The following BACE2 variants were observed in gnomAD, a reference collection of about 807,000 sequenced individuals.
BACE2 encodes the protein 56 kDa aspartic-like protease.
Under a neutral mutation model 46.2 loss-of-function variants are expected in BACE2, and 17 were observed. The observed-to-expected ratio is 0.37, with a 90% confidence interval of 0.25 to 0.55. BACE2 has a LOEUF of 0.55. Ranked by LOEUF, BACE2 falls within the 20% of genes least tolerant of loss-of-function variation. The probability of loss-of-function intolerance (pLI) is 0.82; values close to 1 mark genes in which losing one functional copy is unlikely to be tolerated. For synonymous variants in BACE2, 277 were observed against 295.9 expected (o/e 0.94, Z 0.66); for missense variants, 595 against 698.1 (o/e 0.85, Z 1.66).
intron 2 of BACE2, among the ~76,000 whole-genome samples, chr21:41,227,763 A>G (rs918258363): frequency 1.3e-5 from 2 of 152,148 alleles, no homozygotes; most frequent in African/African-American, 4.8e-5. Flanking sequence ...TATGATCACT[A>G]TGTGCCCAGC....
intron 3 of BACE2, among the ~76,000 whole-genome samples, chr21:41,238,712 C>T (rs1481834821): frequency 1.4e-5 from 2 of 147,758 alleles, no homozygotes; most frequent in Non-Finnish European, 3.0e-5. Context: ...AACAACAAAC[C>T]AAACACCGCA....
intron 1 of BACE2, among the ~76,000 whole-genome samples, chr21:41,213,371 C>T (rs1418251697): frequency 2.0e-5 from 3 of 152,118 alleles, no homozygotes; most frequent in Admixed American, 6.5e-5. Context: ...AGCCTTTGTA[C>T]GGTTTATCGT....
intron 1 of BACE2, among the ~76,000 whole-genome samples, chr21:41,221,592 G>A (rs572990360): frequency 3.3e-5 from 5 of 152,236 alleles, no homozygotes; most frequent in South Asian, 2.1e-4. Flanking sequence ...TTGGGAGGCC[G>A]CAGAGGGTGG....
At chr21:41,180,013 A>C (rs1001734337) in intron 1 of BACE2, 3 of 338,672 alleles carry the variant, frequency 8.9e-6, no homozygotes, top group Non-Finnish European at 1.8e-5. Flanking sequence ...TGTGCACAGC[A>C]GCAGCAGAGG....
At chr21:41,182,916 T>C (rs1266947896) in intron 1 of BACE2, 1 of 166,696 alleles carries the variant, frequency 6.0e-6, no homozygotes, top group Non-Finnish European at 1.5e-5. Flanking sequence ...ACATCTCTCT[T>C]TTCTACTCAC....
intron 1 of BACE2, among the ~76,000 whole-genome samples, chr21:41,224,187 A>C (rs1340263946): frequency 6.6e-6 from 1 of 150,704 alleles, no homozygotes; most frequent in East Asian, 1.9e-4. Context: ...AGATAATCCT[A>C]GGCAAAAACT....
At chr21:41,245,882 T>C (rs1055752939) in intron 5 of BACE2, 80 bp from the exon 6 acceptor site, 4 of 1,006,524 alleles carry the variant, frequency 4.0e-6, no homozygotes, top group Non-Finnish European at 4.5e-6. Flanking sequence ...AACAGACAGA[T>C]GGTGATGGCG....
At chr21:41,179,996 G>A (rs549977546) in intron 1 of BACE2, 12 of 348,522 alleles carry the variant, frequency 3.4e-5, no homozygotes, top group African/African-American at 1.5e-4. Context: ...TTATTGAAGC[G>A]GCCGGCTGTG....
intron 1 of BACE2, among the ~76,000 whole-genome samples, chr21:41,204,704 AC>A: frequency 6.6e-6 from 1 of 152,360 alleles, no homozygotes; most frequent in Middle Eastern, 3.4e-3. Context: ...ACTTTTCTAT[AC>A]CATAATTAAA....
At chr21:41,192,491 A>G (rs1985608009) in intron 1 of BACE2, among the ~76,000 whole-genome samples, 3 of 152,170 alleles carry the variant, frequency 2.0e-5, no homozygotes, top group Admixed American at 2.0e-4. Flanking sequence ...GTGACTTGAA[A>G]CATTCAGTTT....
intron 1 of BACE2, among the ~76,000 whole-genome samples, chr21:41,191,784 G>A (rs1233037790): frequency 6.6e-6 from 1 of 152,184 alleles, no homozygotes; most frequent in African/African-American, 2.4e-5. Flanking sequence ...AGGCTGAGTG[G>A]TGTCCACAGA....
chr21:41,239,270 G>C (rs1987223235), intron 3 of BACE2, among the ~76,000 whole-genome samples: 1 of 152,190 alleles, frequency 6.6e-6, no homozygotes, highest in Non-Finnish European at 1.5e-5. Context: ...GAGCCTATTA[G>C]GCCCTAGGCT....
intron 1 of BACE2, among the ~76,000 whole-genome samples, chr21:41,225,930 C>T (rs898127709): frequency 6.6e-6 from 1 of 151,986 alleles, no homozygotes; most frequent in Non-Finnish European, 1.5e-5. Context: ...TAAACCTGGC[C>T]GAAAGCCCAG....
At chr21:41,212,986 G>A (rs191377923) in intron 1 of BACE2, among the ~76,000 whole-genome samples, 1 of 152,346 alleles carries the variant, frequency 6.6e-6, no homozygotes, top group East Asian at 1.9e-4. Context: ...AGTTTGGCCT[G>A]TTGAACTTTC....
At position 41,192,330 on chromosome 21, in the gene BACE2, C is replaced by T. The variant is rs981148109; in HGVS notation, c.312+23755C>T. Among the ~76,000 whole-genome samples, 6 of 152,298 alleles carry T rather than the reference C, an allele frequency of 3.9e-5. No homozygotes were observed. In the East Asian group the frequency reaches 7.7e-4, roughly 20 times the overall value. The stretch of plus-strand genomic sequence containing the variant: ...GGAGACCAGGGCATTTGAACCACTT[C>T]CTCATGTAACTTACTTGTGCCTTCA... On this transcript the variant is annotated intron_variant, in intron 1 of 8. Transcript: ENST00000330333.
intron 1 of BACE2, chr21:41,179,173 G>T: frequency 3.2e-6 from 4 of 1,261,124 alleles, no homozygotes; most frequent in Non-Finnish European, 4.1e-6. Context: ...AGGAGTGAGG[G>T]TGTCAGGGTG....
rs1468175807 is a variant in BACE2, at chr21:41,282,015, T to G, written c.*6391T>G. The G allele has an allele frequency of 6.6e-6, 1 of 152,226 alleles. No homozygotes were observed. The highest frequency in any genetic ancestry group is 1.5e-5 in the Non-Finnish European group (1 of 68,032). The allele number at this position is 152,226 out of a possible 1,614,324, so 9.4% of individuals were successfully genotyped here. Reference sequence around the variant, plus strand: ...TGCATTGTTAAAAATTCTTAAAGTTTAATATGTTATGTTCAGTCATTGAAA... The same window carrying G: ...TGCATTGTTAAAAATTCTTAAAGTTGAATATGTTATGTTCAGTCATTGAAA... On this transcript the variant is annotated 3_prime_UTR_variant, in exon 9 of 9. Coordinates refer to ENST00000330333, the MANE Select transcript of BACE2 (RefSeq NM_012105.5).
intron 8 of BACE2, among the ~76,000 whole-genome samples, chr21:41,273,139 TA>T (rs1221034896): frequency 6.6e-6 from 1 of 152,188 alleles, no homozygotes; most frequent in African/African-American, 2.4e-5. Context: ...AGAGATCACA[TA>T]CTTCACAAGG....
intron 1 of BACE2, chr21:41,184,497 C>T (rs890776951): frequency 2.4e-5 from 4 of 167,096 alleles, no homozygotes; most frequent in African/African-American, 9.7e-5. Context: ...TGGAAAGTGG[C>T]ATATGTACTC....
Sources: gnomAD v4.1 joint callset for allele counts (sites outside exome capture counted in the v4.1 genomes callset) on GRCh38, gnomAD v4.1.1 for gene constraint, MANE v1.5 for transcripts, NCBI Gene and HGNC (gene_info 2026-07-23, HGNC 2026-07-21) for gene names.